The following CSMD1 variants were observed in gnomAD, a reference collection of about 807,000 sequenced individuals.
CSMD1 encodes CUB and Sushi multiple domains 1, also known as CUB and sushi domain-containing protein 1.
In CSMD1, 213 loss-of-function variants were observed where a neutral mutation model predicts 417.5. The observed-to-expected ratio is 0.51, with a 90% CI of 0.46 to 0.57. The LOEUF (loss-of-function observed/expected upper bound fraction) is 0.57, where lower values mean the gene tolerates loss of function less well. Ranked by LOEUF, CSMD1 falls within the 20% of genes least tolerant of loss-of-function variation. CSMD1 has a pLI of 0.00. For synonymous variants in CSMD1, 2,862 were observed against 1,736.8 expected, an observed-to-expected ratio of 1.65 and a Z score of -16.11; for missense variants, 6,923 against 4,529.7, an observed-to-expected ratio of 1.53 and a Z score of -15.17.
At chr8:3,363,710 A>G (rs562717949) in intron 20 of CSMD1, among the ~76,000 whole-genome samples, 4 of 152,112 alleles carry the variant, frequency 2.6e-5, no homozygotes, top group Admixed American at 6.6e-5. Flanking sequence ...AGAAAATCAC[A>G]TATGTAATGG....
rs537771617 is a variant in CSMD1 at position 3,736,134 on chromosome 8, G to A, written c.931+17796C>T. 3.9e-5 allele frequency among the ~76,000 whole-genome samples: 6 copies of A among 152,120 alleles called. 1 individual carries two copies. The highest frequency in any genetic ancestry group is 8.8e-5 in the Non-Finnish European group (6 of 68,026). On this transcript the variant is annotated intron_variant, in intron 6 of 69. Coordinates refer to ENST00000635120, the MANE Select transcript of CSMD1 (RefSeq NM_033225.6). ...AGTTTACATACATTAAATCTTTTCA[G>A]TACTCATAAAACCCTGTAATCGCAT...
intron 1 of CSMD1, among the ~76,000 whole-genome samples, chr8:4,677,524 G>A (rs762523347): frequency 2.6e-5 from 4 of 152,050 alleles, no homozygotes; most frequent in Non-Finnish European, 5.9e-5. Flanking sequence ...TTCCAGTGAA[G>A]GATTTCCTTA....
At chr8:2,995,990 T>C (rs1191027402) in intron 54 of CSMD1, among the ~76,000 whole-genome samples, 1 of 152,150 alleles carries the variant, frequency 6.6e-6, no homozygotes, top group Non-Finnish European at 1.5e-5. Flanking sequence ...TCAATGTCCA[T>C]ATGCTGGTTG....
At chr8:3,136,359 G>A (rs1025659454) in intron 41 of CSMD1, among the ~76,000 whole-genome samples, 2 of 151,038 alleles carry the variant, frequency 1.3e-5, no homozygotes, top group Non-Finnish European at 2.9e-5. Context: ...TGGTCTCCCA[G>A]GTTCAAGCGA....
intron 7 of CSMD1, among the ~76,000 whole-genome samples, chr8:3,621,276 C>A (rs79338248): frequency 0.028 from 4,327 of 152,188 alleles, 230 homozygotes; most frequent in African/African-American, 0.098. Flanking sequence ...CATAGGTTGG[C>A]AGGAGGCGTT....
intron 5 of CSMD1, among the ~76,000 whole-genome samples, chr8:3,791,111 A>C (rs569830866): frequency 2.0e-5 from 3 of 152,210 alleles, no homozygotes; most frequent in African/African-American, 4.8e-5. Flanking sequence ...GGAACACTTT[A>C]TAACTTTTAA....
chr8:4,187,793 G>C (rs746330757), intron 3 of CSMD1, among the ~76,000 whole-genome samples: 3 of 151,704 alleles, frequency 2.0e-5, no homozygotes, highest in Non-Finnish European at 2.9e-5. Context: ...AAATAGGCAG[G>C]TATTATTATT....
intron 12 of CSMD1, among the ~76,000 whole-genome samples, chr8:3,464,531 G>C (rs1415081873): frequency 1.3e-5 from 2 of 150,640 alleles, no homozygotes. Flanking sequence ...ATAGTATTCT[G>C]AGATTTACTA....
intron 55 of CSMD1, among the ~76,000 whole-genome samples, chr8:2,977,162 G>A (rs903607061): frequency 2.0e-5 from 3 of 151,882 alleles, no homozygotes; most frequent in East Asian, 3.9e-4. Context: ...GGTTTGTTAC[G>A]CAGGGAAATG....
intron 19 of CSMD1, 41 bp downstream of exon 19, chr8:3,369,213 T>C (rs1585063718): frequency 4.1e-6 from 4 of 973,378 alleles, no homozygotes; most frequent in Middle Eastern, 2.1e-4. Flanking sequence ...TTCTGTCTCA[T>C]TTATTAGTCT....
chr8:3,958,778 G>C (rs1392371303), intron 5 of CSMD1, among the ~76,000 whole-genome samples: 2 of 152,208 alleles, frequency 1.3e-5, no homozygotes, highest in Non-Finnish European at 1.5e-5. Flanking sequence ...CCAGTTCAAA[G>C]AGGAACGACA....
At chr8:4,907,045 A>G (rs1428936979) in intron 1 of CSMD1, among the ~76,000 whole-genome samples, 1 of 152,242 alleles carries the variant, frequency 6.6e-6, no homozygotes, top group Non-Finnish European at 1.5e-5. Context: ...TTTGCATTCA[A>G]CATAACAGTG....
chr8:4,746,028 T>C (rs575677879), intron 1 of CSMD1, among the ~76,000 whole-genome samples: 3 of 152,336 alleles, frequency 2.0e-5, no homozygotes, highest in South Asian at 2.1e-4. Flanking sequence ...CTGTAAAATA[T>C]TATGAAATTG....
intron 2 of CSMD1, among the ~76,000 whole-genome samples, chr8:4,627,852 G>C (rs991660442): frequency 6.6e-6 from 1 of 152,022 alleles, no homozygotes; most frequent in African/African-American, 2.4e-5. Context: ...TAAATCAAAG[G>C]TTTTCACCCT....
chr8:4,510,037 G>T (rs991875009), intron 2 of CSMD1, among the ~76,000 whole-genome samples: 1 of 152,054 alleles, frequency 6.6e-6, no homozygotes, highest in African/African-American at 2.4e-5. Flanking sequence ...CCGGTGGGAG[G>T]TAACTCAATC....
At chr8:3,372,539 G>T (rs898585729) in intron 18 of CSMD1, among the ~76,000 whole-genome samples, 33 of 152,178 alleles carry the variant, frequency 2.2e-4, no homozygotes, top group Admixed American at 2.0e-4. Flanking sequence ...ACCTGCCTGT[G>T]TCCTGAAGGT....
chr8:4,203,883 T>A (rs1022225887), intron 3 of CSMD1, among the ~76,000 whole-genome samples: 1 of 152,130 alleles, frequency 6.6e-6, no homozygotes, highest in African/African-American at 2.4e-5. Context: ...GGTGGATCCC[T>A]TGAGCCAAGG....
intron 7 of CSMD1, among the ~76,000 whole-genome samples, chr8:3,703,074 T>C (rs1404939783): frequency 1.3e-5 from 2 of 152,162 alleles, no homozygotes; most frequent in South Asian, 2.1e-4. Flanking sequence ...AATACTTAGA[T>C]ATTTAAGATA....
intron 1 of CSMD1, among the ~76,000 whole-genome samples, chr8:4,928,319 G>A (rs955387831): frequency 6.6e-5 from 10 of 152,028 alleles, no homozygotes; most frequent in Admixed American, 2.0e-4. Flanking sequence ...ATTTTTCTAC[G>A]GAATTTTTGC....
Sources: gnomAD v4.1 joint callset for allele counts (sites outside exome capture counted in the v4.1 genomes callset) on GRCh38, gnomAD v4.1.1 for gene constraint, MANE v1.5 for transcripts, NCBI Gene and HGNC (gene_info 2026-07-23, HGNC 2026-07-21) for gene names.